Variants in ST6GALNAC3 observed in about 807,000 individuals in gnomAD.
ST6GALNAC3 encodes the protein alpha-N-acetylgalactosaminide alpha-2,6-sialyltransferase 3.
ST6GALNAC3 carries 25 observed loss-of-function variants against 32.7 expected under a neutral mutation model. The ratio of observed to expected loss-of-function variants is 0.76; its 90% confidence interval spans 0.56 to 1.07. ST6GALNAC3 has a LOEUF of 1.07. Ranked by LOEUF, ST6GALNAC3 falls within the 50% of genes least tolerant of loss-of-function variation. ST6GALNAC3 has a pLI of 0.00. For missense variants in ST6GALNAC3, 355 were observed against 382.4 expected (o/e 0.93, Z 0.60); for synonymous variants, 129 against 133.1 (o/e 0.97, Z 0.21).
chr1:76,608,779 AT>A (rs770529440), intron 3 of ST6GALNAC3, among the ~76,000 whole-genome samples: 1 of 151,956 alleles, frequency 6.6e-6, no homozygotes, highest in South Asian at 2.1e-4. Context: ...TCGTCAGTGT[AT>A]TTCTCTTTTG....
rs184111628 is a variant in ST6GALNAC3, at chr1:76,139,171, G to A, written c.18+64287G>A. 5.3e-4 allele frequency among the ~76,000 whole-genome samples: 81 copies of A among 151,714 alleles called. 4 individuals are homozygous for A. Among genetic ancestry groups the A allele is most frequent in the African/African-American group, 1.8e-3 (75 of 41,330 alleles). On this transcript the variant is annotated intron_variant, in intron 1 of 4. Transcript: ENST00000328299. ...ATCGCGCCACTGCACTCCAGCCTGG[G>A]CGACAGAGCGAGACTCCGTCTCAAT...
chr1:76,198,693 G>A (rs1317496540), intron 1 of ST6GALNAC3, among the ~76,000 whole-genome samples: 1 of 152,160 alleles, frequency 6.6e-6, no homozygotes, highest in African/African-American at 2.4e-5. Flanking sequence ...ACTGATGAAG[G>A]GAGCACAAGA....
chr1:76,559,596 G>A (rs1164922649), intron 3 of ST6GALNAC3, among the ~76,000 whole-genome samples: 1 of 152,148 alleles, frequency 6.6e-6, no homozygotes, highest in Non-Finnish European at 1.5e-5. Flanking sequence ...GACTTGGGGT[G>A]GAGCAAGGTG....
chr1:76,362,242 A>G (rs1650019687), intron 2 of ST6GALNAC3, among the ~76,000 whole-genome samples: 1 of 152,142 alleles, frequency 6.6e-6, no homozygotes, highest in South Asian at 2.1e-4. Flanking sequence ...CAACTCACTC[A>G]TTATCACCAA....
chr1:76,477,363 C>G (rs1420341292), intron 3 of ST6GALNAC3, among the ~76,000 whole-genome samples: 1 of 152,152 alleles, frequency 6.6e-6, no homozygotes, highest in Non-Finnish European at 1.5e-5. Context: ...AAAGGAGCCT[C>G]TCAGCTGAGG....
intron 3 of ST6GALNAC3, among the ~76,000 whole-genome samples, chr1:76,451,274 G>C (rs1251695191): frequency 3.9e-5 from 6 of 152,172 alleles, no homozygotes. Context: ...CACATGGCTG[G>C]CAAGGCCTCT....
At chr1:76,439,639 T>C (rs1485330911) in intron 3 of ST6GALNAC3, among the ~76,000 whole-genome samples, 1 of 152,228 alleles carries the variant, frequency 6.6e-6, no homozygotes, top group African/African-American at 2.4e-5. Flanking sequence ...GGAAAATCTG[T>C]AGAAAATGTA....
At chr1:76,234,139 C>T (rs1308422652) in intron 1 of ST6GALNAC3, among the ~76,000 whole-genome samples, 1 of 152,130 alleles carries the variant, frequency 6.6e-6, no homozygotes, top group East Asian at 1.9e-4. Flanking sequence ...TGCTTTTATC[C>T]ACCTTACCAC....
chr1:76,610,691 C>T (rs1035736339), intron 3 of ST6GALNAC3, among the ~76,000 whole-genome samples: 4 of 152,068 alleles, frequency 2.6e-5, no homozygotes, highest in Admixed American at 6.6e-5. Context: ...CTGTAAGTGG[C>T]GACAGGGAGT....
intron 2 of ST6GALNAC3, among the ~76,000 whole-genome samples, chr1:76,325,367 C>T (rs376163425): frequency 4.6e-5 from 7 of 152,278 alleles, no homozygotes; most frequent in African/African-American, 1.7e-4. Context: ...TCCCCAGGAA[C>T]AGCTGTGCAA....
At chr1:76,259,316 A>C (rs1658095868) in intron 1 of ST6GALNAC3, among the ~76,000 whole-genome samples, 1 of 152,174 alleles carries the variant, frequency 6.6e-6, no homozygotes, top group Non-Finnish European at 1.5e-5. Flanking sequence ...GGGTGTCAAT[A>C]GTGGTAAGAA....
chr1:76,382,511 T>C (rs982305442), intron 2 of ST6GALNAC3, among the ~76,000 whole-genome samples: 1 of 152,086 alleles, frequency 6.6e-6, no homozygotes, highest in African/African-American at 2.4e-5. Flanking sequence ...AAAATGTTTA[T>C]AAAAATAACG....
chr1:76,086,443 T>C (rs1366067632), intron 1 of ST6GALNAC3, among the ~76,000 whole-genome samples: 1 of 152,232 alleles, frequency 6.6e-6, no homozygotes, highest in Non-Finnish European at 1.5e-5. Flanking sequence ...ATTTAGTCTC[T>C]TCCTAGAGGC....
chr1:76,501,339 A>G (rs1661164077), intron 3 of ST6GALNAC3, among the ~76,000 whole-genome samples: 1 of 152,170 alleles, frequency 6.6e-6, no homozygotes, highest in South Asian at 2.1e-4. Flanking sequence ...AAATCCTGAA[A>G]TTGTGGTTTG....
rs544337170 is a variant in ST6GALNAC3, at chr1:76,217,715, C to T, written c.19-96090C>T. Among the ~76,000 whole-genome samples, 106 of 152,294 alleles carry T rather than the reference C, an allele frequency of 7.0e-4. 1 individual carries two copies. The South Asian group carries it at 0.013, about 19-fold the overall frequency. On this transcript the variant is annotated intron_variant, in intron 1 of 4. Transcript: ENST00000328299. ...CCCAAAGTCCATTGTATCATTCTTACGCCTTTGCGTCCTCATAGCTTAGCT... is the reference window on the plus strand; with the variant it reads ...CCCAAAGTCCATTGTATCATTCTTATGCCTTTGCGTCCTCATAGCTTAGCT...
At chr1:76,335,894 CA>C (rs1647433507) in intron 2 of ST6GALNAC3, among the ~76,000 whole-genome samples, 1 of 152,086 alleles carries the variant, frequency 6.6e-6, no homozygotes, top group African/African-American at 2.4e-5. Context: ...TTTATTGATC[CA>C]AAAGGAGCCA....
At chr1:76,240,416 C>T (rs1338100428) in intron 1 of ST6GALNAC3, among the ~76,000 whole-genome samples, 1 of 152,330 alleles carries the variant, frequency 6.6e-6, no homozygotes, top group East Asian at 1.9e-4. Context: ...ACTGTCCAGC[C>T]AAATCCATTC....
intron 1 of ST6GALNAC3, among the ~76,000 whole-genome samples, chr1:76,205,613 A>T (rs1196557053): frequency 1.3e-5 from 2 of 152,194 alleles, no homozygotes; most frequent in African/African-American, 4.8e-5. Flanking sequence ...GCAGTTATGA[A>T]TGAGACCCTC....
intron 1 of ST6GALNAC3, among the ~76,000 whole-genome samples, chr1:76,287,387 C>CTTTTTTTTTTTT (rs5775339): frequency 3.8e-5 from 5 of 130,754 alleles, no homozygotes; most frequent in Non-Finnish European, 6.4e-5. Context: ...TTTTTTCTTC[C>CTTTTTTTTTTTT]TTTTTTTTTT....
Sources: allele counts gnomAD v4.1 joint callset (sites outside exome capture counted in the v4.1 genomes callset), GRCh38; gene constraint gnomAD v4.1.1; transcripts MANE v1.5; gene names NCBI Gene and HGNC (gene_info 2026-07-23, HGNC 2026-07-21).